Variants in WWOX observed in about 807,000 individuals in gnomAD.
WWOX encodes WW domain-containing oxidoreductase.
A neutral mutation model predicts 46.2 loss-of-function variants in WWOX; 69 were observed. The observed-to-expected ratio is 1.49, with a 90% CI of 1.23 to 1.82. The LOEUF is 1.82. WWOX is among the 40% of genes most tolerant of loss of function. WWOX has a pLI of 0.00. For synonymous variants in WWOX, 359 were observed against 202.6 expected, an observed-to-expected ratio of 1.77 and a Z score of -6.56; for missense variants, 919 against 542.6, an observed-to-expected ratio of 1.69 and a Z score of -6.89.
chr16:78,267,283 G>C (rs748573323), intron 5 of WWOX, among the ~76,000 whole-genome samples: 11 of 152,134 alleles, frequency 7.2e-5, no homozygotes, highest in Non-Finnish European at 1.5e-4. Context: ...CTTTTTAGTT[G>C]TTCTTTCTGC....
chr16:78,332,810 C>A (rs1225566930), intron 5 of WWOX, among the ~76,000 whole-genome samples: 2 of 152,006 alleles, frequency 1.3e-5, no homozygotes, highest in Admixed American at 6.6e-5. Flanking sequence ...GAAATATTAG[C>A]CCCATTTTGC....
chr16:78,681,901 C>T (rs1430531013), intron 8 of WWOX, among the ~76,000 whole-genome samples: 1 of 152,170 alleles, frequency 6.6e-6, no homozygotes, highest in African/African-American at 2.4e-5. Context: ...CCCCGCAGAG[C>T]CCCTCATTCT....
At chr16:78,895,424 T>C (rs531862050) in intron 8 of WWOX, 1 of 152,250 alleles carries the variant, frequency 6.6e-6, no homozygotes, top group Non-Finnish European at 1.5e-5. Flanking sequence ...CAAAACATCA[T>C]GCTTCTTTCT....
At chr16:78,797,985 C>G (rs1428530050) in intron 8 of WWOX, among the ~76,000 whole-genome samples, 1 of 152,160 alleles carries the variant, frequency 6.6e-6, no homozygotes, top group East Asian at 1.9e-4. Flanking sequence ...GAGACCCTGT[C>G]TCTAAAAACA....
chr16:79,172,908 C>G (rs1045352840), intron 8 of WWOX, among the ~76,000 whole-genome samples: 1 of 151,714 alleles, frequency 6.6e-6, no homozygotes, highest in East Asian at 1.9e-4. Flanking sequence ...GTAGTCCCAG[C>G]TACTCAGGGG....
chr16:78,802,708 G>C (rs1055341440), intron 8 of WWOX, among the ~76,000 whole-genome samples: 2 of 151,762 alleles, frequency 1.3e-5, no homozygotes, highest in Non-Finnish European at 1.5e-5. Context: ...TTGAGGTCAG[G>C]AGTTCAAGAT....
chr16:79,108,945 C>T (rs540841026), intron 8 of WWOX, among the ~76,000 whole-genome samples: 4 of 150,960 alleles, frequency 2.6e-5, no homozygotes, highest in African/African-American at 7.3e-5. Flanking sequence ...TCGCCATAAT[C>T]TTGTGTGAAA....
At chr16:78,474,714 A>G in intron 8 of WWOX, among the ~76,000 whole-genome samples, 1 of 151,826 alleles carries the variant, frequency 6.6e-6, no homozygotes, top group Admixed American at 6.6e-5. Context: ...TGCACCCCAT[A>G]TTTTTTACCT....
chr16:78,695,131 G>A (rs781485121), intron 8 of WWOX, among the ~76,000 whole-genome samples: 1 of 152,066 alleles, frequency 6.6e-6, no homozygotes, highest in Admixed American at 6.5e-5. Context: ...AGGCACAAAG[G>A]TTTCATAAAT....
intron 8 of WWOX, among the ~76,000 whole-genome samples, chr16:79,104,044 G>T (rs1365964498): frequency 8.0e-6 from 1 of 125,722 alleles, no homozygotes; most frequent in African/African-American, 2.8e-5. Context: ...TTTTGGGGGG[G>T]GGGGGGCGGG....
intron 1 of WWOX, chr16:78,100,330 G>C (rs1300239681): frequency 1.2e-6 from 1 of 827,872 alleles, no homozygotes; most frequent in Non-Finnish European, 1.5e-6. Context: ...ATAGCCCACT[G>C]TAGCCTCTAC....
At chr16:78,950,303 C>T (rs1004740652) in intron 8 of WWOX, among the ~76,000 whole-genome samples, 4 of 151,974 alleles carry the variant, frequency 2.6e-5, no homozygotes, top group South Asian at 4.2e-4. Flanking sequence ...ATTAGTCAGT[C>T]GATGGTTATT....
chr16:78,546,097 T>A (rs960065290), intron 8 of WWOX, among the ~76,000 whole-genome samples: 5 of 152,198 alleles, frequency 3.3e-5, no homozygotes, highest in African/African-American at 1.2e-4. Context: ...CTACCCTCTG[T>A]CAGTTTTTTA....
intron 8 of WWOX, among the ~76,000 whole-genome samples, chr16:78,654,317 TA>T (rs1414351361): frequency 6.6e-6 from 1 of 152,228 alleles, no homozygotes; most frequent in African/African-American, 2.4e-5. Context: ...TGTAAAAATA[TA>T]AAATAATCTT....
Position 78,984,013 on chromosome 16 carries a change from G to C in WWOX, c.1057-227595G>C, listed in dbSNP as rs1341456103. Among the ~76,000 whole-genome samples the C allele has an allele frequency of 4.6e-5, 7 of 151,670 alleles. No homozygotes were observed. In the East Asian group the frequency reaches 1.4e-3, roughly 30 times the overall value. ...CTGCCTCAGCCTCCCGAGTAGCTGG[G>C]ACTACAGGCGCCTGCCACCATGCCC... On this transcript the variant is annotated intron_variant, in intron 8 of 8. Transcript: ENST00000566780.
chr16:78,951,107 C>G (rs905037646), intron 8 of WWOX, among the ~76,000 whole-genome samples: 3 of 152,216 alleles, frequency 2.0e-5, no homozygotes, highest in Non-Finnish European at 4.4e-5. Flanking sequence ...GTAACAAACA[C>G]AGCCCTAACT....
chr16:78,859,878 C>G (rs529868617), intron 8 of WWOX, among the ~76,000 whole-genome samples: 2 of 152,144 alleles, frequency 1.3e-5, no homozygotes, highest in South Asian at 4.2e-4. Flanking sequence ...CCTATTTTCA[C>G]TTACTTATAA....
intron 8 of WWOX, among the ~76,000 whole-genome samples, chr16:78,939,105 C>T (rs2045800734): frequency 6.6e-6 from 1 of 152,156 alleles, no homozygotes; most frequent in African/African-American, 2.4e-5. Flanking sequence ...GACAGTGGCC[C>T]CGCTGGATTT....
intron 8 of WWOX, among the ~76,000 whole-genome samples, chr16:78,819,554 G>A (rs1191534573): frequency 2.6e-5 from 4 of 152,154 alleles, no homozygotes; most frequent in African/African-American, 7.2e-5. Flanking sequence ...GAACTGCCTC[G>A]GAATTGCCAC....
Sources: gnomAD v4.1 joint callset for allele counts (sites outside exome capture counted in the v4.1 genomes callset) on GRCh38, gnomAD v4.1.1 for gene constraint, MANE v1.5 for transcripts, NCBI Gene and HGNC (gene_info 2026-07-23, HGNC 2026-07-21) for gene names.